The following KLRG1 variants were observed in gnomAD, a reference collection of about 807,000 sequenced individuals.
KLRG1 encodes the protein killer cell lectin like receptor G1, also known as killer cell lectin-like receptor subfamily G member 1.
Under a neutral mutation model 21.8 loss-of-function variants are expected in KLRG1, and 16 were observed. That is an observed-to-expected ratio of 0.73 (90% CI 0.50 to 1.11). The LOEUF is 1.11. Ranked by LOEUF, KLRG1 falls within the 50% of genes most tolerant of loss-of-function variation. The pLI, the probability that KLRG1 is intolerant of heterozygous loss-of-function variation, is 0.00. For synonymous variants in KLRG1, 69 were observed against 75.9 expected (o/e 0.91, Z 0.47); for missense variants, 173 against 218.3 (o/e 0.79, Z 1.31).
the KLRG1 span, chr12:9,200,851 A>C: frequency 6.3e-7 from 1 of 1,581,134 alleles, no homozygotes. Flanking sequence ...ACACTCTAGG[A>C]ACCAAAATGT....
At chr12:9,201,988 G>T in the KLRG1 span, among the ~76,000 whole-genome samples, 136,079 of 152,196 alleles carry the variant, frequency 0.89, 61,019 homozygotes, top group East Asian at 1. Flanking sequence ...GCATAATTCT[G>T]TGTTGCTTTT....
rs2137301438 is a variant in KLRG1, at chr12:8,984,485, C to T, written c.-155-7721C>T. ...GCCAGGCTGGTCTTGAACTCCTGAC[C>T]TCAAATTATCCACCTGCCCCCGCCT... On this transcript the variant is annotated intron_variant, in intron 1 of 4. Transcript: ENST00000539240. Among the ~76,000 whole-genome samples, 2 of 152,214 alleles carry T rather than the reference C, an allele frequency of 1.3e-5. 1 individual carries two copies. Among genetic ancestry groups the T allele is most frequent in the South Asian group, 4.2e-4 (2 of 4,812 alleles).
chr12:9,044,416 A>G, the KLRG1 span, among the ~76,000 whole-genome samples: 14,334 of 152,094 alleles, frequency 0.094, 1,169 homozygotes, highest in African/African-American at 0.22. Flanking sequence ...TGTAATTCCA[A>G]CACTTTGGGA....
the KLRG1 span, among the ~76,000 whole-genome samples, chr12:9,100,193 A>G: frequency 5.3e-5 from 8 of 152,216 alleles, no homozygotes; most frequent in South Asian, 2.1e-4. Context: ...TTCATAAATC[A>G]TAACTATCTT....
At chr12:9,213,707 A>T in the KLRG1 span, among the ~76,000 whole-genome samples, 2 of 152,030 alleles carry the variant, frequency 1.3e-5, no homozygotes, top group Non-Finnish European at 2.9e-5. Context: ...GAATTGTAAG[A>T]GTTCTTTACA....
chr12:9,201,363 AAAG>A, the KLRG1 span: 2 of 1,553,350 alleles, frequency 1.3e-6, no homozygotes, highest in Non-Finnish European at 1.8e-6. Flanking sequence ...TGATAAAAGG[AAAG>A]AAGAGATGTG....
At chr12:9,038,645 G>A in the KLRG1 span, among the ~76,000 whole-genome samples, 1 of 152,144 alleles carries the variant, frequency 6.6e-6, no homozygotes, top group Non-Finnish European at 1.5e-5. Context: ...TAGTACCAGA[G>A]CAAGACTTTT....
At chr12:9,160,076 CATCCAT>C in the KLRG1 span, 1 of 1,530,974 alleles carries the variant, frequency 6.5e-7, no homozygotes, top group Non-Finnish European at 9.0e-7. Context: ...AAAGGCAGGC[CATCCAT>C]ATGTTTAGGC....
the KLRG1 span, among the ~76,000 whole-genome samples, chr12:9,051,523 T>C: frequency 1.3e-5 from 2 of 152,164 alleles, no homozygotes; most frequent in Non-Finnish European, 2.9e-5. Flanking sequence ...TGTCTGTTGA[T>C]GGCAGACGTC....
the KLRG1 span, chr12:9,159,825 A>G: frequency 1.1e-6 from 1 of 933,538 alleles, no homozygotes; most frequent in Non-Finnish European, 1.6e-6. Flanking sequence ...TTCTTTATAA[A>G]TTACCTAGTT....
chr12:8,964,648 C>T, intron 1 of KLRG1, among the ~76,000 whole-genome samples: 1 of 147,914 alleles, frequency 6.8e-6, no homozygotes, highest in African/African-American at 2.5e-5. Context: ...TTAAAGTCTC[C>T]CATTATTATT....
At chr12:9,095,643 G>A in the KLRG1 span, 1 of 1,612,196 alleles carries the variant, frequency 6.2e-7, no homozygotes, top group Non-Finnish European at 8.5e-7. Flanking sequence ...TCATTGTCCT[G>A]GTCATTCAAA....
chr12:9,009,986 T>C lies in KLRG1; in HGVS notation c.*449T>C. ...CATTACTGATCCCTGATGGTATATT[T>C]CTATCCTAACAGTGTCCCTTTGCAG... is the stretch of plus-strand genomic sequence containing the variant. On this transcript the variant is annotated 3_prime_UTR_variant, in exon 5 of 5. Coordinates refer to ENST00000356986, the MANE Select transcript of KLRG1 (RefSeq NM_005810.4). The C allele has an allele frequency of 6.5e-7, 1 of 1,534,252 alleles. No individual in the cohort carries two copies. Among genetic ancestry groups the C allele is most frequent in the South Asian group, 1.2e-5 (1 of 84,002 alleles).
chr12:9,090,659 CA>C, the KLRG1 span: 6 of 636,224 alleles, frequency 9.4e-6, no homozygotes, highest in Non-Finnish European at 1.6e-5. Flanking sequence ...ATCAGATTTA[CA>C]CAGGTAAATC....
chr12:9,063,480 T>C, the KLRG1 span, among the ~76,000 whole-genome samples: 1 of 152,250 alleles, frequency 6.6e-6, no homozygotes, highest in Non-Finnish European at 1.5e-5. Flanking sequence ...TGTATCTATA[T>C]GCTTTCCTGG....
chr12:9,170,677 T>C, the KLRG1 span, among the ~76,000 whole-genome samples: 1 of 152,114 alleles, frequency 6.6e-6, no homozygotes, highest in East Asian at 1.9e-4. The surrounding 1 kb of genome is among the most constrained non-coding windows in gnomAD (Gnocchi z 4.6). Context: ...GGAATACAGA[T>C]GGTCTGGATG....
At chr12:8,959,380 C>A (rs1318592402) in intron 1 of KLRG1, among the ~76,000 whole-genome samples, 2 of 152,160 alleles carry the variant, frequency 1.3e-5, no homozygotes, top group Non-Finnish European at 2.9e-5. Context: ...GATGCCACTT[C>A]GTCCTGAGAC....
At chr12:9,194,303 A>G in the KLRG1 span, 1 of 1,480,816 alleles carries the variant, frequency 6.8e-7, no homozygotes, top group Non-Finnish European at 9.2e-7. Context: ...ACTCATGTGA[A>G]CAAATGCTTT....
At chr12:8,973,033 C>T (rs559164810) in intron 1 of KLRG1, among the ~76,000 whole-genome samples, 6 of 151,774 alleles carry the variant, frequency 4.0e-5, no homozygotes, top group Admixed American at 6.6e-5. Context: ...CCCAGCTGGG[C>T]TGAGGGAGGC....
Sources: allele counts gnomAD v4.1 joint callset (sites outside exome capture counted in the v4.1 genomes callset), GRCh38; gene constraint gnomAD v4.1.1; non-coding constraint Gnocchi (gnomAD v3.1); transcripts MANE v1.5; gene names NCBI Gene and HGNC (gene_info 2026-07-23, HGNC 2026-07-21).